Variants in SLC12A8 observed in about 807,000 individuals in gnomAD.
SLC12A8 encodes cation-chloride cotransporter 9.
A neutral mutation model predicts 75.6 loss-of-function variants in SLC12A8; 69 were observed. That is an observed-to-expected ratio of 0.91 (90% confidence interval 0.75 to 1.11). SLC12A8 has a LOEUF of 1.11. Ranked by LOEUF, SLC12A8 falls within the 50% of genes most tolerant of loss-of-function variation. The pLI, the probability that SLC12A8 is intolerant of heterozygous loss-of-function variation, is 0.00. For synonymous variants in SLC12A8, 365 were observed against 372.8 expected, an observed-to-expected ratio of 0.98 and a Z score of 0.24; for missense variants, 877 against 896.7, an observed-to-expected ratio of 0.98 and a Z score of 0.28.
chr3:125,143,251 C>A (rs1036175346), intron 5 of SLC12A8, among the ~76,000 whole-genome samples: 1 of 152,214 alleles, frequency 6.6e-6, no homozygotes, highest in Non-Finnish European at 1.5e-5. Flanking sequence ...AATCCTGGTA[C>A]AACTATTGGT....
chr3:125,138,916 A>C (rs552133661), intron 5 of SLC12A8, among the ~76,000 whole-genome samples: 83 of 151,892 alleles, frequency 5.5e-4, no homozygotes, highest in African/African-American at 2.0e-3. Flanking sequence ...CTAGCTACTC[A>C]AGAGGCTGGG....
chr3:125,190,292 G>C lies in SLC12A8; in HGVS notation c.198+83C>G. 4.1e-6 allele frequency: 6 copies of C among 1,457,900 alleles called. No individual in the cohort carries two copies. In the East Asian group the frequency reaches 9.1e-5, roughly 22 times the overall value. The allele number at this position is 1,457,900 out of a possible 1,614,324, so 90.3% of individuals were successfully genotyped here. A position where few individuals can be genotyped will look rare whatever the true frequency, so the allele number is the denominator to read the frequency against. On this transcript the variant is annotated intron_variant, in intron 3 of 13. Coordinates refer to ENST00000469902, the MANE Select transcript of SLC12A8 (RefSeq NM_024628.6). ...AGCATCTGTGCTTCAGGAATCTGTG[G>C]CCTGCACTGTAGAATGCAAGAGTGG...
At chr3:125,195,426 G>C (rs139667374) in intron 2 of SLC12A8, among the ~76,000 whole-genome samples, 1 of 152,184 alleles carries the variant, frequency 6.6e-6, no homozygotes, top group African/African-American at 2.4e-5. Context: ...AATTGGAGCC[G>C]TCAAAGTCTG....
intron 6 of SLC12A8, among the ~76,000 whole-genome samples, chr3:125,125,117 A>AC (rs1317334051): frequency 1.9e-5 from 2 of 103,790 alleles, no homozygotes; most frequent in South Asian, 5.3e-4. Flanking sequence ...TTGGCATTGA[A>AC]CCCTTTTTTT....
intron 2 of SLC12A8, among the ~76,000 whole-genome samples, chr3:125,201,360 C>T (rs1935115589): frequency 6.6e-6 from 1 of 152,044 alleles, no homozygotes; most frequent in Non-Finnish European, 1.5e-5. Flanking sequence ...GCTATGATCA[C>T]ATCACTGCAC....
At chr3:125,115,979 C>T (rs1349741153) in intron 8 of SLC12A8, among the ~76,000 whole-genome samples, 3 of 152,218 alleles carry the variant, frequency 2.0e-5, no homozygotes, top group Non-Finnish European at 4.4e-5. Flanking sequence ...TCCGCCCTTG[C>T]ACCTCCCAAC....
At chr3:125,185,091 C>T (rs150682683) in intron 4 of SLC12A8, among the ~76,000 whole-genome samples, 1,918 of 152,244 alleles carry the variant, frequency 0.013, 47 homozygotes, top group African/African-American at 0.042. Context: ...GAGGCCGAGG[C>T]GGGCGGATCA....
At chr3:125,197,730 C>T (rs2107800214) in intron 2 of SLC12A8, among the ~76,000 whole-genome samples, 1 of 152,296 alleles carries the variant, frequency 6.6e-6, no homozygotes, top group Middle Eastern at 3.4e-3. Flanking sequence ...AAGGGTATCA[C>T]TCCTGTGTGG....
chr3:125,199,053 T>C (rs474365), intron 2 of SLC12A8, among the ~76,000 whole-genome samples: 51,286 of 151,926 alleles, frequency 0.34, 9,142 homozygotes, highest in East Asian at 0.57. Flanking sequence ...GCTGGGATTA[T>C]AGGCGTGAGC....
At chr3:125,112,378 T>C (rs1939209959) in intron 8 of SLC12A8, among the ~76,000 whole-genome samples, 1 of 152,186 alleles carries the variant, frequency 6.6e-6, no homozygotes, top group Non-Finnish European at 1.5e-5. Flanking sequence ...AGTGTTTCCA[T>C]CACTTTATGT....
chr3:125,101,797 T>C (rs1474365998), intron 10 of SLC12A8, among the ~76,000 whole-genome samples: 2 of 152,238 alleles, frequency 1.3e-5, no homozygotes, highest in Non-Finnish European at 2.9e-5. Flanking sequence ...ACGATTAGGT[T>C]CTTATAATAG....
chr3:125,157,122 T>C (rs1274631321), intron 5 of SLC12A8, among the ~76,000 whole-genome samples: 1 of 149,270 alleles, frequency 6.7e-6, no homozygotes, highest in Non-Finnish European at 1.5e-5. Flanking sequence ...TCAATTATGC[T>C]TTAAAACGAA....
intron 6 of SLC12A8, among the ~76,000 whole-genome samples, chr3:125,132,062 T>C (rs1157254665): frequency 6.6e-6 from 1 of 152,138 alleles, no homozygotes; most frequent in Non-Finnish European, 1.5e-5. Flanking sequence ...GACAGGACAA[T>C]GGGAAGGCCT....
chr3:125,181,993 C>T (rs1934674106), intron 4 of SLC12A8, among the ~76,000 whole-genome samples: 1 of 152,042 alleles, frequency 6.6e-6, no homozygotes. Context: ...TCAAGACCAG[C>T]CTGGGCAACA....
chr3:125,193,518 C>T (rs1934947471), intron 2 of SLC12A8, among the ~76,000 whole-genome samples: 1 of 152,232 alleles, frequency 6.6e-6, no homozygotes, highest in Non-Finnish European at 1.5e-5. Context: ...CAAAGCAGCT[C>T]CCTTGCGTCG....
chr3:125,194,233 C>T (rs534144269), intron 2 of SLC12A8, among the ~76,000 whole-genome samples: 11 of 152,202 alleles, frequency 7.2e-5, no homozygotes, highest in Non-Finnish European at 1.3e-4. Context: ...GGCGCCTGGC[C>T]CAGGATGATC....
rs3222429 is a variant in SLC12A8, at chr3:125,098,554, C to CCACACACA, written c.1706-6364_1706-6357dup. On this transcript the variant is annotated intron_variant, in intron 10 of 13. Coordinates refer to ENST00000469902, the MANE Select transcript of SLC12A8 (RefSeq NM_024628.6). ...GTATGAAGAGGTCAGTGAATCTTCTCCACACACACACACACACACACACAC... is the reference window on the plus strand; with the variant it reads ...GTATGAAGAGGTCAGTGAATCTTCTCCACACACACACACACACACACACACACACACAC... Among the ~76,000 whole-genome samples, 663 of 144,016 alleles carry CCACACACA rather than the reference C, an allele frequency of 4.6e-3. 6 individuals carry two copies. Among genetic ancestry groups the CCACACACA allele is most frequent in the Middle Eastern group, 0.014 (4 of 282 alleles). 94.5% of individuals were successfully genotyped at this position (144,016 alleles called of 152,430 possible). A position where few individuals can be genotyped will look rare whatever the true frequency, so the allele number is the denominator to read the frequency against.
chr3:125,095,420 A>G lies in SLC12A8; in HGVS notation c.1706-3222T>C, dbSNP rs2670171. Reference sequence around the variant, plus strand: ...TACTATCAGAATATATTCTGGATACAATGACTCCTCACTGCCTCCATTGCT... The same window carrying G: ...TACTATCAGAATATATTCTGGATACGATGACTCCTCACTGCCTCCATTGCT... On this transcript the variant is annotated intron_variant, in intron 10 of 13. Transcript: ENST00000469902. Among the ~76,000 whole-genome samples the G allele has an allele frequency of 6.6e-5, 10 of 152,322 alleles. No homozygotes were observed. In the East Asian group the frequency reaches 1.9e-3, roughly 29 times the overall value.
chr3:125,103,076 G>A (rs1448784954), intron 10 of SLC12A8, among the ~76,000 whole-genome samples: 5 of 152,114 alleles, frequency 3.3e-5, no homozygotes. Context: ...CTCCTCAAGG[G>A]GGCTTTCCTT....
Sources: allele counts gnomAD v4.1 joint callset (sites outside exome capture counted in the v4.1 genomes callset), GRCh38; gene constraint gnomAD v4.1.1; transcripts MANE v1.5; gene names NCBI Gene and HGNC (gene_info 2026-07-23, HGNC 2026-07-21).